Variants in CCDC83 observed in about 807,000 individuals in gnomAD.
CCDC83 encodes the protein coiled-coil domain-containing protein 83.
Under a neutral mutation model 50.1 loss-of-function variants are expected in CCDC83, and 54 were observed. The observed-to-expected ratio is 1.08, with a 90% CI of 0.87 to 1.35. CCDC83 has a LOEUF of 1.35. Among genes scored for constraint, CCDC83 ranks in the 40% most tolerant of loss-of-function variants. The pLI, the probability that CCDC83 is intolerant of heterozygous loss-of-function variation, is 0.00. For synonymous variants in CCDC83, 161 were observed against 153.3 expected (o/e 1.05, Z -0.37); for missense variants, 518 against 473.9 (o/e 1.09, Z -0.86).
chr11:85,879,830 G>C (rs2135025025), intron 3 of CCDC83, among the ~76,000 whole-genome samples: 1 of 152,238 alleles, frequency 6.6e-6, no homozygotes, highest in East Asian at 1.9e-4. Flanking sequence ...TATTGTCCAG[G>C]CTGGTCTTGA....
At chr11:85,872,486 A>AAACAAC (rs141997473) in intron 2 of CCDC83, among the ~76,000 whole-genome samples, 95 of 151,716 alleles carry the variant, frequency 6.3e-4, no homozygotes, top group Non-Finnish European at 1.0e-3. Flanking sequence ...TTCCATCTCA[A>AAACAAC]AACAACAACA....
chr11:85,910,722 T>G (rs2093449759), intron 7 of CCDC83, among the ~76,000 whole-genome samples: 1 of 152,226 alleles, frequency 6.6e-6, no homozygotes, highest in Non-Finnish European at 1.5e-5. Flanking sequence ...CATAACTGCC[T>G]AACTATTCAG....
At chr11:85,917,578 C>A (rs2093488290) in intron 10 of CCDC83, among the ~76,000 whole-genome samples, 1 of 152,170 alleles carries the variant, frequency 6.6e-6, no homozygotes, top group African/African-American at 2.4e-5. Context: ...CTAGTACATT[C>A]CAGTTACTCC....
chr11:85,891,056 G>A (rs1191774526), intron 5 of CCDC83, among the ~76,000 whole-genome samples: 4 of 152,068 alleles, frequency 2.6e-5, no homozygotes, highest in Non-Finnish European at 4.4e-5. Flanking sequence ...GTGGTTCTAG[G>A]CATGGCTCCT....
At chr11:85,873,384 A>C in intron 3 of CCDC83, 89 bp downstream of exon 3, 1 of 506,148 alleles carries the variant, frequency 2.0e-6, no homozygotes, top group Non-Finnish European at 3.5e-6. Context: ...AATATACTCT[A>C]GGAAATTATC....
chr11:85,907,419 C>A (rs1229346033), intron 7 of CCDC83, among the ~76,000 whole-genome samples: 1 of 152,116 alleles, frequency 6.6e-6, no homozygotes, highest in Non-Finnish European at 1.5e-5. Context: ...CAAAGGGAAT[C>A]AAGGAAATTA....
intron 2 of CCDC83, among the ~76,000 whole-genome samples, chr11:85,865,922 T>C (rs1020799152): frequency 6.7e-6 from 1 of 148,622 alleles, no homozygotes; most frequent in African/African-American, 2.5e-5. Context: ...AAAGAGAGAA[T>C]GGAAGAGAAA....
chr11:85,872,154 T>C (rs1013609156), intron 2 of CCDC83, among the ~76,000 whole-genome samples: 1 of 152,070 alleles, frequency 6.6e-6, no homozygotes, highest in African/African-American at 2.4e-5. Context: ...GGTTTTGCCA[T>C]GTTGGCCAGC....
intron 3 of CCDC83, among the ~76,000 whole-genome samples, chr11:85,882,049 C>T (rs1312676613): frequency 6.6e-6 from 1 of 152,018 alleles, no homozygotes; most frequent in Non-Finnish European, 1.5e-5. Flanking sequence ...CTTGCTGGCT[C>T]ACACCTGTAA....
intron 1 of CCDC83, among the ~76,000 whole-genome samples, chr11:85,858,314 G>T (rs1188053072): frequency 3.3e-5 from 5 of 152,220 alleles, no homozygotes; most frequent in African/African-American, 7.2e-5. Context: ...AGCTGACTGA[G>T]CTGCAAGCCC....
intron 8 of CCDC83, among the ~76,000 whole-genome samples, chr11:85,913,351 C>T (rs1461524822): frequency 1.3e-5 from 2 of 152,156 alleles, no homozygotes; most frequent in Non-Finnish European, 1.5e-5. Context: ...CTGTTTTGGA[C>T]ACTTTAGAAA....
intron 1 of CCDC83, among the ~76,000 whole-genome samples, chr11:85,855,833 C>G (rs1345499401): frequency 6.6e-6 from 1 of 152,152 alleles, no homozygotes; most frequent in Non-Finnish European, 1.5e-5. Flanking sequence ...TCTCTTAGTG[C>G]CTCTCTCACC....
intron 6 of CCDC83, among the ~76,000 whole-genome samples, chr11:85,897,892 C>T (rs947909726): frequency 6.6e-6 from 1 of 152,168 alleles, no homozygotes; most frequent in African/African-American, 2.4e-5. Flanking sequence ...CGCGGTGGCT[C>T]ACACCTGTAA....
intron 3 of CCDC83, among the ~76,000 whole-genome samples, chr11:85,876,615 G>A (rs190326925): frequency 5.3e-5 from 8 of 152,266 alleles, no homozygotes; most frequent in African/African-American, 1.2e-4. Flanking sequence ...AGGGATTCTC[G>A]TGCCTCAGCC....
At chr11:85,896,254 C>A (rs1464875925) in intron 6 of CCDC83, among the ~76,000 whole-genome samples, 3 of 151,766 alleles carry the variant, frequency 2.0e-5, no homozygotes, top group African/African-American at 7.3e-5. Flanking sequence ...AGGGCAAAAC[C>A]CTGTCTCAGC....
At chr11:85,890,165 GCATT>G (rs772627827) in intron 5 of CCDC83, among the ~76,000 whole-genome samples, 3 of 152,184 alleles carry the variant, frequency 2.0e-5, no homozygotes, top group Admixed American at 6.5e-5. Context: ...TGCAGTCTGG[GCATT>G]CAGGTCTAGT....
chr11:85,877,307 C>CA (rs2093274614), intron 3 of CCDC83, among the ~76,000 whole-genome samples: 1 of 152,038 alleles, frequency 6.6e-6, no homozygotes, highest in African/African-American at 2.4e-5. Flanking sequence ...CCTGTCTCTA[C>CA]AAAAAATTGT....
At chr11:85,891,930 T>G (rs1445510) in intron 5 of CCDC83, among the ~76,000 whole-genome samples, 1 of 152,010 alleles carries the variant, frequency 6.6e-6, no homozygotes, top group South Asian at 2.1e-4. Context: ...ATAGTCCCCC[T>G]GAATCTGTGA....
upstream of CCDC83, chr11:85,855,310 C>T (rs151253666): frequency 3.8e-3 from 576 of 152,884 alleles, 6 homozygotes; most frequent in African/African-American, 0.014. Flanking sequence ...CCACCCTCCA[C>T]GGGCTCCACT....
Sources: allele counts gnomAD v4.1 joint callset (sites outside exome capture counted in the v4.1 genomes callset), GRCh38; gene constraint gnomAD v4.1.1; transcripts MANE v1.5; gene names NCBI Gene and HGNC (gene_info 2026-07-23, HGNC 2026-07-21).